Variants in SIK2 observed in about 807,000 individuals in gnomAD.
The protein encoded by SIK2 is serine/threonine-protein kinase SIK2.
SIK2 carries 29 observed loss-of-function variants against 103.2 expected under a neutral mutation model. The observed-to-expected ratio is 0.28, with a 90% CI of 0.21 to 0.38. The LOEUF is 0.38. SIK2 is among the 10% of genes least tolerant of loss of function. The pLI is 1.00. For synonymous variants in SIK2, 412 were observed against 446.1 expected (o/e 0.92, Z 0.96); for missense variants, 879 against 1,171.0 (o/e 0.75, Z 3.64).
Position 111,722,881 on chromosome 11 carries a change from C to A in SIK2, c.2147+125C>A. The stretch of plus-strand genomic sequence containing the variant: ...GAAAATAGGTTTTCTGCGTGTGTCA[C>A]AGGCCCTCTGAGCACGATTACTAAG... On this transcript the variant is annotated intron_variant, in intron 14 of 14. Coordinates refer to ENST00000304987, the MANE Select transcript of SIK2 (RefSeq NM_015191.3). This position sits in a 1 kb window ranked among gnomAD's most constrained non-coding sequence, Gnocchi z 4.4. 1.2e-6 allele frequency: 1 copy of A among 830,462 alleles called. No homozygotes were observed. The highest frequency in any genetic ancestry group is 1.9e-6 in the Non-Finnish European group (1 of 524,394). The allele number at this position is 830,462 out of a possible 1,614,324, so 51.4% of individuals were successfully genotyped here. A position where few individuals can be genotyped will look rare whatever the true frequency, so the allele number is the denominator to read the frequency against.
intron 3 of SIK2, among the ~76,000 whole-genome samples, chr11:111,627,494 A>T (rs1338977355): frequency 6.6e-6 from 1 of 152,196 alleles, no homozygotes; most frequent in Non-Finnish European, 1.5e-5. Context: ...AACATAGTAC[A>T]TATAAGGTTT....
chr11:111,712,214 C>G lies in SIK2; in HGVS notation c.1105C>G (p.Gln369Glu). 2 of 1,614,114 alleles carry G rather than the reference C, an allele frequency of 1.2e-6. No individual in the cohort carries two copies. The highest frequency in any genetic ancestry group is 1.7e-6 in the Non-Finnish European group (2 of 1,179,988). ...TCTGTTCTTGCCATATTTACAGGCA[C>G]AGACTGTGGGGCTCCCAGTGACCAT... ...TIAEQTVAKAQTVGLPVTMHS... is the reference protein window; with the variant it reads ...TIAEQTVAKAETVGLPVTMHS... Residue 369 changes from glutamine (Q) to glutamate (E), a missense_variant, in exon 9 of 15, where the codon CAG becomes GAG. Transcript: ENST00000304987.
chr11:111,615,113 T>C (rs1941787278), intron 1 of SIK2, among the ~76,000 whole-genome samples: 1 of 148,260 alleles, frequency 6.7e-6, no homozygotes, highest in South Asian at 2.2e-4. Context: ...CACTGTAGCC[T>C]AGGCCACAGA....
chr11:111,721,245 G>A lies in SIK2; in HGVS notation c.1944+183G>A, dbSNP rs567826706. On this transcript the variant is annotated intron_variant, in intron 12 of 14. Transcript: ENST00000304987. ...CCACTGACGGGTTCAACCCATCCAC[G>A]CTGCTTCCAAGTGATCAATACCAGA... Among the ~76,000 whole-genome samples, 6 of 152,276 alleles carry A rather than the reference G, an allele frequency of 3.9e-5. No homozygotes were observed. In the South Asian group the frequency reaches 6.2e-4, roughly 16 times the overall value.
At chr11:111,662,226 AAAG>A (rs1217742363) in intron 3 of SIK2, among the ~76,000 whole-genome samples, 2 of 152,230 alleles carry the variant, frequency 1.3e-5, no homozygotes, top group African/African-American at 4.8e-5. Flanking sequence ...ATTTTGGGAT[AAAG>A]AAGATGTCAC....
At chr11:111,620,766 C>G (rs1434080171) in intron 3 of SIK2, among the ~76,000 whole-genome samples, 1 of 152,106 alleles carries the variant, frequency 6.6e-6, no homozygotes, top group Non-Finnish European at 1.5e-5. Flanking sequence ...AGGCATTGTA[C>G]TAGGTAATGG....
chr11:111,655,547 G>A (rs1565334912), intron 3 of SIK2, among the ~76,000 whole-genome samples: 1 of 152,202 alleles, frequency 6.6e-6, no homozygotes, highest in Non-Finnish European at 1.5e-5. Flanking sequence ...CTTAAAATCT[G>A]TGGGGATAAT....
intron 3 of SIK2, among the ~76,000 whole-genome samples, chr11:111,640,740 T>C (rs925662473): frequency 3.8e-5 from 5 of 132,858 alleles, no homozygotes; most frequent in African/African-American, 5.6e-5. Flanking sequence ...TTTTTTTTTT[T>C]TTTTTTTTTT....
chr11:111,650,532 C>A (rs988315378), intron 3 of SIK2, among the ~76,000 whole-genome samples: 2 of 152,068 alleles, frequency 1.3e-5, no homozygotes, highest in Non-Finnish European at 2.9e-5. Context: ...GTTATAAAAT[C>A]TTTGACGTAA....
chr11:111,705,062 A>T lies in SIK2; in HGVS notation c.1024A>T (p.Ser342Cys). The change falls in exon 8 of 15, where the codon AGC (serine) becomes TGC (cysteine). Residue 342 changes from serine (S) to cysteine (C), a missense_variant. Coordinates refer to ENST00000304987, the MANE Select transcript of SIK2 (RefSeq NM_015191.3). The surrounding 1 kb of genome is among the most constrained non-coding windows in gnomAD (Gnocchi z 4.3). ...GGTGGAGCGCCTGAAATCACATCGG[A>T]GCAGTTTCCCAGTGGAGCAGAGACT... ...LLVERLKSHR[S>C]SFPVEQRLDG... 1 of 1,610,786 alleles carries T rather than the reference A, an allele frequency of 6.2e-7. No individual in the cohort carries two copies. Among genetic ancestry groups the T allele is most frequent in the Non-Finnish European group, 8.5e-7 (1 of 1,178,948 alleles).
At chr11:111,662,270 T>C (rs559207402) in intron 3 of SIK2, among the ~76,000 whole-genome samples, 2 of 152,348 alleles carry the variant, frequency 1.3e-5, no homozygotes, top group Middle Eastern at 6.8e-3. Flanking sequence ...TATTCATTCG[T>C]CAATTCAGCA....
At chr11:111,610,191 A>G (rs1202991745) in intron 1 of SIK2, among the ~76,000 whole-genome samples, 2 of 152,164 alleles carry the variant, frequency 1.3e-5, no homozygotes, top group Non-Finnish European at 2.9e-5. Flanking sequence ...TTTTTCTAAA[A>G]TCAAAGAGAC....
chr11:111,645,805 GAA>G (rs1555027374), intron 3 of SIK2, among the ~76,000 whole-genome samples: 2 of 136,294 alleles, frequency 1.5e-5, no homozygotes, highest in African/African-American at 2.7e-5. Flanking sequence ...ACAAGAGCAA[GAA>G]AAAAAAAAAA....
In SIK2 at chr11:111,725,861, G is replaced by C. The variant is rs888413802; in HGVS notation, c.*1732G>C. 6.6e-6 allele frequency: 1 copy of C among 152,418 alleles called. No individual in the cohort carries two copies. The highest frequency in any genetic ancestry group is 2.4e-5 in the African/African-American group (1 of 41,440). 9.4% of individuals were successfully genotyped at this position (152,418 alleles called of 1,614,324 possible). A position where few individuals can be genotyped will look rare whatever the true frequency, so the allele number is the denominator to read the frequency against. Reference sequence around the variant, plus strand: ...CTCACCATGGGTGCCAGGATGCTTCGCAGAGGCACTGTGCTCACGGTTGGA... The same window carrying C: ...CTCACCATGGGTGCCAGGATGCTTCCCAGAGGCACTGTGCTCACGGTTGGA... On this transcript the variant is annotated 3_prime_UTR_variant, in exon 15 of 15. Transcript: ENST00000304987.
chr11:111,605,474 G>A (rs1034835203), intron 1 of SIK2, among the ~76,000 whole-genome samples: 1 of 152,064 alleles, frequency 6.6e-6, no homozygotes, highest in African/African-American at 2.4e-5. Flanking sequence ...AGTTATAGTG[G>A]AACAATGAAT....
At chr11:111,651,756 T>C (rs983865210) in intron 3 of SIK2, among the ~76,000 whole-genome samples, 5 of 152,230 alleles carry the variant, frequency 3.3e-5, no homozygotes, top group African/African-American at 1.2e-4. Flanking sequence ...TTAACAGATA[T>C]GCATTGAACA....
intron 4 of SIK2, among the ~76,000 whole-genome samples, chr11:111,694,648 C>T (rs1028561643): frequency 2.0e-5 from 3 of 152,028 alleles, no homozygotes; most frequent in African/African-American, 7.3e-5. Context: ...GTAAGTCTTC[C>T]ATTTGTTATC....
At chr11:111,668,298 T>C (rs1942577276) in intron 3 of SIK2, among the ~76,000 whole-genome samples, 1 of 152,222 alleles carries the variant, frequency 6.6e-6, no homozygotes, top group Non-Finnish European at 1.5e-5. Flanking sequence ...TTTTGCAGCT[T>C]CATAGTATTC....
intron 3 of SIK2, among the ~76,000 whole-genome samples, chr11:111,684,557 C>G (rs1024332355): frequency 4.6e-5 from 7 of 152,134 alleles, no homozygotes; most frequent in African/African-American, 1.7e-4. Flanking sequence ...ATATTATTAA[C>G]TACTCAAAAG....
Sources: allele counts gnomAD v4.1 joint callset (sites outside exome capture counted in the v4.1 genomes callset), GRCh38; gene constraint gnomAD v4.1.1; non-coding constraint Gnocchi (gnomAD v3.1); transcripts MANE v1.5; gene names NCBI Gene and HGNC (gene_info 2026-07-23, HGNC 2026-07-21).